The following ZW10 variants were observed in gnomAD, a reference collection of about 807,000 sequenced individuals.
ZW10 encodes centromere/kinetochore protein zw10 homolog.
Under a neutral mutation model 87.8 loss-of-function variants are expected in ZW10, and 53 were observed. The observed-to-expected ratio is 0.60, with a 90% CI of 0.48 to 0.76. The LOEUF (loss-of-function observed/expected upper bound fraction) is 0.76, where lower values mean the gene tolerates loss of function less well. Among genes scored for constraint, ZW10 ranks in the 30% least tolerant of loss-of-function variants. The pLI is 0.00. For synonymous variants in ZW10, 312 were observed against 329.2 expected (o/e 0.95, Z 0.57); for missense variants, 837 against 923.0 (o/e 0.91, Z 1.21).
intron 15 of ZW10, among the ~76,000 whole-genome samples, chr11:113,734,421 T>G (rs1953526502): frequency 6.6e-6 from 1 of 151,994 alleles, no homozygotes; most frequent in African/African-American, 2.4e-5. Context: ...CTGGTGAAAA[T>G]GAGACTAAAC....
At chr11:113,760,742 T>G (rs1303158298) in intron 3 of ZW10, 75 bp downstream of exon 3, 2 of 1,143,154 alleles carry the variant, frequency 1.7e-6, no homozygotes, top group African/African-American at 1.7e-5. Context: ...AAACCCATTA[T>G]AGTCAGGAGA....
chr11:113,754,072 T>G (rs1295053179), intron 7 of ZW10, among the ~76,000 whole-genome samples: 1 of 152,262 alleles, frequency 6.6e-6, no homozygotes, highest in Non-Finnish European at 1.5e-5. Context: ...TGAACTTTTA[T>G]TGCTAGACAG....
chr11:113,746,930 C>A (rs1953684270), intron 9 of ZW10, among the ~76,000 whole-genome samples: 1 of 151,682 alleles, frequency 6.6e-6, no homozygotes, highest in South Asian at 2.1e-4. Flanking sequence ...TGGGAAGACA[C>A]TGGACTTTCT....
chr11:113,767,108 G>T (rs955887802), intron 2 of ZW10, among the ~76,000 whole-genome samples: 1 of 150,158 alleles, frequency 6.7e-6, no homozygotes. Flanking sequence ...TTCAATTCTT[G>T]ACACAGACTA....
At chr11:113,759,079 G>A (rs1953830357) in intron 5 of ZW10, among the ~76,000 whole-genome samples, 1 of 152,140 alleles carries the variant, frequency 6.6e-6, no homozygotes, top group African/African-American at 2.4e-5. Flanking sequence ...GGGCAGGGTG[G>A]GAGAAGTAGT....
intron 7 of ZW10, among the ~76,000 whole-genome samples, chr11:113,757,273 T>C (rs939780753): frequency 4.6e-5 from 7 of 152,236 alleles, no homozygotes; most frequent in Admixed American, 4.6e-4. Context: ...TAAGTTTGGT[T>C]ATATCAGATT....
intron 2 of ZW10, among the ~76,000 whole-genome samples, chr11:113,763,651 T>C (rs990617873): frequency 3.9e-5 from 6 of 152,224 alleles, no homozygotes; most frequent in East Asian, 3.8e-4. Flanking sequence ...GTAGGCCGCA[T>C]AAATGTCTTC....
intron 11 of ZW10, among the ~76,000 whole-genome samples, chr11:113,740,705 C>A (rs1193250659): frequency 6.6e-6 from 1 of 152,248 alleles, no homozygotes; most frequent in African/African-American, 2.4e-5. Context: ...CCATGACAGG[C>A]AACATCAGCA....
rs71063524 is a variant in ZW10, at chr11:113,773,027, G to GTT, written c.105+533_105+534dup. On this transcript the variant is annotated intron_variant, in intron 1 of 15. Coordinates refer to ENST00000200135, the MANE Select transcript of ZW10 (RefSeq NM_004724.4). Reference sequence around the variant, plus strand: ...AAAAACATACTGAGGGTTTGGGTTTGTTTTTTTTTTAATGTCGGGGAGGAG... The same window carrying GTT: ...AAAAACATACTGAGGGTTTGGGTTTGTTTTTTTTTTTTAATGTCGGGGAGGAG... Among the ~76,000 whole-genome samples, 90 of 146,950 alleles carry GTT rather than the reference G, an allele frequency of 6.1e-4. 1 individual carries two copies. The South Asian group carries it at 6.9e-3, about 11-fold the overall frequency.
intron 13 of ZW10, 40 bp downstream of exon 13, chr11:113,738,224 G>A: frequency 6.5e-7 from 1 of 1,546,888 alleles, no homozygotes. Context: ...AGGCATCTAA[G>A]GATAGAATAC....
intron 5 of ZW10, 47 bp downstream of exon 5, chr11:113,760,162 T>C (rs1953841587): frequency 1.9e-6 from 3 of 1,586,652 alleles, no homozygotes; most frequent in Non-Finnish European, 2.6e-6. Flanking sequence ...GACACTACAC[T>C]GGTTCAGGCA....
chr11:113,733,898 T>A (rs1953520330), intron 15 of ZW10, 84 bp from the exon 16 acceptor site: 1 of 1,444,720 alleles, frequency 6.9e-7, no homozygotes, highest in African/African-American at 1.4e-5. Flanking sequence ...TTGATCCAAA[T>A]GCTTATTTGC....
At position 113,733,611 on chromosome 11, in the gene ZW10, G is replaced by T; in HGVS notation, c.*83C>A. ...TACTGGTTCACCAAAACCAATGGGCGATTCAAAGAAGTCTTTAAGGGAGTA... is the reference window on the plus strand; with the variant it reads ...TACTGGTTCACCAAAACCAATGGGCTATTCAAAGAAGTCTTTAAGGGAGTA... On this transcript the variant is annotated 3_prime_UTR_variant, in exon 16 of 16. Coordinates refer to ENST00000200135, the MANE Select transcript of ZW10 (RefSeq NM_004724.4). The T allele has an allele frequency of 3.2e-6, 5 of 1,585,820 alleles. No homozygotes were observed. The highest frequency in any genetic ancestry group is 3.4e-6 in the Non-Finnish European group (4 of 1,162,476).
At position 113,760,858 on chromosome 11, in the gene ZW10, T is replaced by C. The variant is rs757057678; in HGVS notation, c.301A>G (p.Arg101Gly). 8 of 1,614,034 alleles carry C rather than the reference T, an allele frequency of 5.0e-6. No individual in the cohort carries two copies. The South Asian group carries it at 7.7e-5, about 16-fold the overall frequency. Reference protein sequence around the residue: ...EFTDLKQQLERDSVVLSLLKQ... With the variant: ...EFTDLKQQLEGDSVVLSLLKQ... ...AGCAAACTTAGGACAACTGAGTCTC[T>C]TTCCAACTGCTGCTTTAAGTCTGTA... The change falls in exon 3 of 16, where the codon AGA (arginine) becomes GGA (glycine). Residue 101 changes from arginine to glycine, a missense_variant. Physicochemically the swap from Arg to Gly is moderately radical, Grantham distance 125 (BLOSUM62 -2). Transcript: ENST00000200135.
At chr11:113,765,173 C>T (rs1428968686) in intron 2 of ZW10, among the ~76,000 whole-genome samples, 1 of 152,182 alleles carries the variant, frequency 6.6e-6, no homozygotes, top group Admixed American at 6.5e-5. Flanking sequence ...GGGTGAGAAA[C>T]CCTGCTTTAT....
At chr11:113,765,844 C>G (rs988728814) in intron 2 of ZW10, among the ~76,000 whole-genome samples, 1 of 152,150 alleles carries the variant, frequency 6.6e-6, no homozygotes, top group Non-Finnish European at 1.5e-5. Context: ...CCTTGGAAGA[C>G]AGAGATGGTG....
intron 7 of ZW10, among the ~76,000 whole-genome samples, chr11:113,755,069 A>C (rs1053403960): frequency 4.6e-5 from 7 of 152,230 alleles, no homozygotes; most frequent in African/African-American, 1.4e-4. Flanking sequence ...ATGGAGATAA[A>C]CAAGGAGATT....
At chr11:113,741,986 A>G (rs1035780191) in intron 10 of ZW10, among the ~76,000 whole-genome samples, 1 of 152,218 alleles carries the variant, frequency 6.6e-6, no homozygotes, top group African/African-American at 2.4e-5. Context: ...GGATGCATTA[A>G]TGATTGTAAG....
intron 9 of ZW10, 149 bp from the exon 10 acceptor site, chr11:113,744,189 C>A: frequency 1.6e-6 from 1 of 639,826 alleles, no homozygotes; most frequent in South Asian, 2.0e-5. Flanking sequence ...AGATCGAGAC[C>A]ATCCTGGCTA....
Sources: allele counts gnomAD v4.1 joint callset (sites outside exome capture counted in the v4.1 genomes callset), GRCh38; gene constraint gnomAD v4.1.1; transcripts MANE v1.5; gene names NCBI Gene and HGNC (gene_info 2026-07-23, HGNC 2026-07-21).